The following FSTL5 variants were observed in gnomAD, a reference collection of about 807,000 sequenced individuals.
FSTL5 encodes the protein follistatin like 5.
A neutral mutation model predicts 89.1 loss-of-function variants in FSTL5; 62 were observed. The ratio of observed to expected loss-of-function variants is 0.70; its 90% CI spans 0.57 to 0.86. The LOEUF (loss-of-function observed/expected upper bound fraction) is 0.86. Ranked by LOEUF, FSTL5 falls within the 40% of genes least tolerant of loss-of-function variation. FSTL5 has a pLI of 0.00. For synonymous variants in FSTL5, 383 were observed against 346.2 expected (o/e 1.11, Z -1.18); for missense variants, 1,057 against 1,001.6 (o/e 1.06, Z -0.75).
intron 3 of FSTL5, among the ~76,000 whole-genome samples, chr4:162,015,753 C>T (rs750859712): frequency 3.3e-5 from 5 of 152,148 alleles, no homozygotes; most frequent in African/African-American, 9.7e-5. Flanking sequence ...ACATTCTCCT[C>T]CTTTCTACTT....
chr4:161,471,988 T>TG (rs1284028533), intron 13 of FSTL5, among the ~76,000 whole-genome samples: 1 of 151,518 alleles, frequency 6.6e-6, no homozygotes, highest in Non-Finnish European at 1.5e-5. Context: ...TCTTTTTTTT[T>TG]TTTTTTGAGA....
chr4:161,576,987 A>G (rs1005775321), intron 8 of FSTL5, among the ~76,000 whole-genome samples: 3 of 152,196 alleles, frequency 2.0e-5, no homozygotes, highest in Non-Finnish European at 4.4e-5. Flanking sequence ...TTTTTATGAG[A>G]AGTTATGATC....
At chr4:162,086,833 A>G (rs1449164922) in intron 2 of FSTL5, among the ~76,000 whole-genome samples, 1 of 152,124 alleles carries the variant, frequency 6.6e-6, no homozygotes, top group Non-Finnish European at 1.5e-5. Context: ...TAATGCTTCA[A>G]TAATGTTCAA....
chr4:162,145,821 G>A (rs1283925239), intron 1 of FSTL5, among the ~76,000 whole-genome samples: 1 of 152,146 alleles, frequency 6.6e-6, no homozygotes, highest in Non-Finnish European at 1.5e-5. Context: ...GTTTAATGTG[G>A]TAAAGCTTAG....
At chr4:162,141,968 AGTG>A (rs1312009214) in intron 1 of FSTL5, among the ~76,000 whole-genome samples, 1 of 152,194 alleles carries the variant, frequency 6.6e-6, no homozygotes, top group Non-Finnish European at 1.5e-5. Flanking sequence ...CATTGAGAGC[AGTG>A]GTTCTCCACC....
At chr4:162,160,090 A>G (rs1290647219) in intron 1 of FSTL5, among the ~76,000 whole-genome samples, 1 of 152,068 alleles carries the variant, frequency 6.6e-6, no homozygotes, top group Non-Finnish European at 1.5e-5. Flanking sequence ...ATTTACATAT[A>G]TATGTGTATA....
At chr4:161,491,433 C>G (rs1729869032) in intron 12 of FSTL5, among the ~76,000 whole-genome samples, 1 of 151,642 alleles carries the variant, frequency 6.6e-6, no homozygotes, top group Admixed American at 6.6e-5. Context: ...GATTTTTAAA[C>G]ATATAATCTC....
rs548081757 is a variant in FSTL5, at chr4:161,864,060, G to A, written c.409+56344C>T. 3.9e-5 allele frequency among the ~76,000 whole-genome samples: 6 copies of A among 152,186 alleles called. No homozygotes were observed. In the South Asian group the frequency reaches 6.2e-4, roughly 16 times the overall value. On this transcript the variant is annotated intron_variant, in intron 4 of 15. Transcript: ENST00000306100. ...TAGTGTCAACTTTTGTTTCTTCTGC[G>A]GACCTGTGGATTAGTTTGGTGTTGG...
intron 3 of FSTL5, among the ~76,000 whole-genome samples, chr4:161,945,114 T>G: frequency 6.6e-6 from 1 of 152,124 alleles, no homozygotes. Flanking sequence ...CTACTTATAA[T>G]AACTCTATGT....
At chr4:162,146,756 C>CTA (rs1733011822) in intron 1 of FSTL5, among the ~76,000 whole-genome samples, 1 of 139,490 alleles carries the variant, frequency 7.2e-6, no homozygotes, top group Non-Finnish European at 1.6e-5. Flanking sequence ...TCTCCTTTCT[C>CTA]TCTCTCTCTC....
intron 3 of FSTL5, among the ~76,000 whole-genome samples, chr4:161,975,866 A>T (rs1342020469): frequency 6.6e-6 from 1 of 151,554 alleles, no homozygotes; most frequent in African/African-American, 2.4e-5. Context: ...CTGTAATCCC[A>T]GCACTTTGGG....
Position 161,502,499 on chromosome 4 carries a change from C to G in FSTL5, c.1340-2365G>C, listed in dbSNP as rs1250801735. ...TCAATGAGAATATAAATTCTTAGTG[C>G]TTATGAAACAGTAATGCCAACAAAT... On this transcript the variant is annotated intron_variant, in intron 11 of 15. Coordinates refer to ENST00000306100, the MANE Select transcript of FSTL5 (RefSeq NM_020116.5). 2.6e-5 allele frequency among the ~76,000 whole-genome samples: 4 copies of G among 151,870 alleles called. No individual in the cohort carries two copies. The East Asian group carries it at 7.7e-4, about 29-fold the overall frequency.
At chr4:161,980,085 G>GA (rs1735773749) in intron 3 of FSTL5, among the ~76,000 whole-genome samples, 1 of 107,172 alleles carries the variant, frequency 9.3e-6, no homozygotes, top group Non-Finnish European at 1.9e-5. Context: ...AAGAAAGAAA[G>GA]AAAAAAGAAA....
chr4:162,111,443 G>C, intron 1 of FSTL5, 31 bp from the exon 2 acceptor site: 1 of 1,510,544 alleles, frequency 6.6e-7, no homozygotes. Context: ...AGGAATCAGA[G>C]AAAATGAATT....
At chr4:161,463,313 A>G (rs1424426588) in intron 13 of FSTL5, among the ~76,000 whole-genome samples, 1 of 152,212 alleles carries the variant, frequency 6.6e-6, no homozygotes, top group Non-Finnish European at 1.5e-5. Flanking sequence ...ACCAGAACTG[A>G]AAAAGATATG....
intron 7 of FSTL5, among the ~76,000 whole-genome samples, chr4:161,646,744 AGATCAACTGTATAT>A (rs1736167608): frequency 6.6e-6 from 1 of 152,182 alleles, no homozygotes; most frequent in Non-Finnish European, 1.5e-5. Context: ...CTTTAAATAT[AGATCAACTGTATAT>A]GCTATGAGCC....
intron 13 of FSTL5, among the ~76,000 whole-genome samples, chr4:161,461,484 A>G (rs1176551287): frequency 6.0e-5 from 9 of 149,398 alleles, no homozygotes; most frequent in Non-Finnish European, 1.2e-4. Context: ...AAAAAAAAAA[A>G]AAAAAAGAGG....
At chr4:162,017,509 C>T (rs1736947945) in intron 3 of FSTL5, among the ~76,000 whole-genome samples, 1 of 152,172 alleles carries the variant, frequency 6.6e-6, no homozygotes, top group Admixed American at 6.5e-5. Flanking sequence ...TACTCTGTTT[C>T]AGTACTGGGT....
At position 161,968,513 on chromosome 4, in the gene FSTL5, T is replaced by G. The variant is rs537756304; in HGVS notation, c.161-47861A>C. Among the ~76,000 whole-genome samples, 121 of 152,264 alleles carry G rather than the reference T, an allele frequency of 7.9e-4. 1 individual carries two copies. Among genetic ancestry groups the G allele is most frequent in the African/African-American group, 2.9e-3 (119 of 41,576 alleles). On this transcript the variant is annotated intron_variant, in intron 3 of 15. Coordinates refer to ENST00000306100, the MANE Select transcript of FSTL5 (RefSeq NM_020116.5). ...ATGGAGAAATATAAAATGTTATTTT[T>G]ATCATAGAAGAAAAATAGGACAGAA...
Sources: allele counts gnomAD v4.1 joint callset (sites outside exome capture counted in the v4.1 genomes callset), GRCh38; gene constraint gnomAD v4.1.1; transcripts MANE v1.5; gene names NCBI Gene and HGNC (gene_info 2026-07-23, HGNC 2026-07-21).